PSME3IP1: variants seen among roughly 807,000 people sequenced by gnomAD.
PSME3IP1 encodes the protein PSME3-interacting protein.
Under a neutral mutation model 34.1 loss-of-function variants are expected in PSME3IP1, and 13 were observed. That is an observed-to-expected ratio of 0.38 (90% confidence interval 0.25 to 0.61). The LOEUF (loss-of-function observed/expected upper bound fraction) is 0.61, where lower values mean the gene tolerates loss of function less well. Ranked by LOEUF, PSME3IP1 falls within the 20% of genes least tolerant of loss-of-function variation. PSME3IP1 has a pLI of 0.60. For synonymous variants in PSME3IP1, 93 were observed against 114.3 expected, an observed-to-expected ratio of 0.81 and a Z score of 1.19; for missense variants, 237 against 301.4, an observed-to-expected ratio of 0.79 and a Z score of 1.58.
intron 6 of PSME3IP1, among the ~76,000 whole-genome samples, chr16:57,157,330 A>AAAAG (rs1555484038): frequency 1.3e-5 from 2 of 149,090 alleles, no homozygotes; most frequent in East Asian, 2.1e-4. Flanking sequence ...AAAAAAAAAA[A>AAAAG]AAGAAGAAGA....
At chr16:57,170,592 ATTAAT>A (rs1471244972) in intron 4 of PSME3IP1, among the ~76,000 whole-genome samples, 1 of 152,260 alleles carries the variant, frequency 6.6e-6, no homozygotes, top group Non-Finnish European at 1.5e-5. Context: ...TGAATCATTT[ATTAAT>A]TTATTCACAT....
chr16:57,177,536 A>G (rs1406975890), intron 1 of PSME3IP1, among the ~76,000 whole-genome samples: 3 of 152,056 alleles, frequency 2.0e-5, no homozygotes, highest in African/African-American at 4.8e-5. Flanking sequence ...TCAGTTGGTT[A>G]ATGAAAATAA....
In PSME3IP1 at chr16:57,172,345, T is replaced by A. The variant is rs1371422399; in HGVS notation, c.254A>T (p.Asp85Val). Residue 85 changes from aspartate (D) to valine (V), a missense_variant, in exon 4 of 7, where the codon GAT (aspartate) becomes GTT (valine). Asp to Val is a radical substitution (Grantham distance 152). Transcript: ENST00000309137. Reference protein sequence around the residue: ...FKNMVRGLDEDETNFLDEVSR... With the variant: ...FKNMVRGLDEVETNFLDEVSR... ...AACCTCATCAAGGAAGTTGGTCTCA[T>A]CTTCATCTAAGCCTCTTACCATGTT... is the stretch of plus-strand genomic sequence containing the variant. 6.2e-7 allele frequency: 1 copy of A among 1,613,972 alleles called. No homozygotes were observed. Among genetic ancestry groups the A allele is most frequent in the East Asian group, 2.2e-5 (1 of 44,860 alleles).
Position 57,172,892 on chromosome 16 carries a change from G to A in PSME3IP1, c.128-18C>T. On this transcript the variant is annotated intron_variant, in intron 2 of 6. Transcript: ENST00000309137. ...TGGACATTCTGAAAGGAAAAGGAGA[G>A]GGGAGAGAGGTGGACGGGGAGGAGA... 6.8e-7 allele frequency: 1 copy of A among 1,478,604 alleles called. No individual in the cohort carries two copies. Among genetic ancestry groups the A allele is most frequent in the Non-Finnish European group, 9.5e-7 (1 of 1,056,494 alleles). The allele number at this position is 1,478,604 out of a possible 1,614,324, so 91.6% of individuals were successfully genotyped here. A position where few individuals can be genotyped will look rare whatever the true frequency, so the allele number is the denominator to read the frequency against.
intron 1 of PSME3IP1, among the ~76,000 whole-genome samples, chr16:57,185,312 GTTTCTTAAGT>G (rs1177420827): frequency 6.6e-6 from 1 of 152,160 alleles, no homozygotes; most frequent in Non-Finnish European, 1.5e-5. Context: ...AACTCTCTTT[GTTTCTTAAGT>G]TTTCTGCAAA....
intron 4 of PSME3IP1, among the ~76,000 whole-genome samples, chr16:57,169,704 G>C (rs1185533532): frequency 6.6e-6 from 1 of 152,006 alleles, no homozygotes; most frequent in East Asian, 1.9e-4. Flanking sequence ...GCTACTTTGG[G>C]GGACACTATA....
intron 1 of PSME3IP1, among the ~76,000 whole-genome samples, chr16:57,185,146 G>A (rs1331748085): frequency 6.6e-6 from 1 of 152,188 alleles, no homozygotes; most frequent in African/African-American, 2.4e-5. Flanking sequence ...CTACCCGAGC[G>A]TGCGGGAGTC....
rs969880496 is a variant in PSME3IP1, at chr16:57,173,753, T to C, written c.102A>G (p.Lys34=). 1 of 1,614,112 alleles carries C rather than the reference T, an allele frequency of 6.2e-7. No homozygotes were observed. Among genetic ancestry groups the C allele is most frequent in the African/African-American group, 1.3e-5 (1 of 75,034 alleles). The stretch of plus-strand genomic sequence containing the variant: ...CTTCTGGATCTTCAGGTTTTCGAAC[T>C]TTCTCCCATTCTTCTTGCCTCCTTT... ...RRKRRQEEWE[K]VRKPEDPEEC... is the part of the protein sequence containing the mutation. The change falls in exon 2 of 7, where the codon AAA becomes AAG. Residue 34 remains lysine (K), a synonymous_variant. Transcript: ENST00000309137.
At chr16:57,177,816 C>T (rs2145909846) in intron 1 of PSME3IP1, among the ~76,000 whole-genome samples, 1 of 151,952 alleles carries the variant, frequency 6.6e-6, no homozygotes, top group South Asian at 2.1e-4. Context: ...AGTGAGACCC[C>T]CCATCTCTAC....
At chr16:57,172,472 TA>T (rs1351989483) in intron 3 of PSME3IP1, 100 bp from the exon 4 acceptor site, 20,308 of 1,079,628 alleles carry the variant, frequency 0.019, no homozygotes, top group South Asian at 0.023. Flanking sequence ...TTCAGGGGAT[TA>T]AAAAAAAAAG....
intron 5 of PSME3IP1, among the ~76,000 whole-genome samples, chr16:57,165,611 A>T (rs1371058479): frequency 6.6e-6 from 1 of 152,190 alleles, no homozygotes; most frequent in Non-Finnish European, 1.5e-5. Context: ...TACGACTCCC[A>T]GACTTCACTT....
At chr16:57,174,060 C>T (rs1004684828) in intron 1 of PSME3IP1, 191 bp from the exon 2 acceptor site, 76 of 527,528 alleles carry the variant, frequency 1.4e-4, no homozygotes, top group Non-Finnish European at 4.6e-5. Context: ...CTTTGGGAGG[C>T]CGAGGCGCAT....
intron 5 of PSME3IP1, among the ~76,000 whole-genome samples, chr16:57,166,004 T>C (rs1456464321): frequency 6.6e-6 from 1 of 152,170 alleles, no homozygotes; most frequent in Non-Finnish European, 1.5e-5. Flanking sequence ...GGAAAGCTTA[T>C]GTGAGAACTT....
chr16:57,179,823 C>G (rs564008760), intron 1 of PSME3IP1, among the ~76,000 whole-genome samples: 2 of 152,260 alleles, frequency 1.3e-5, no homozygotes, highest in Non-Finnish European at 2.9e-5. Flanking sequence ...TATTGCTTTC[C>G]AACATTTTTT....
At chr16:57,156,579 GA>G (rs1468945047) in intron 6 of PSME3IP1, among the ~76,000 whole-genome samples, 2 of 152,116 alleles carry the variant, frequency 1.3e-5, no homozygotes, top group Non-Finnish European at 2.9e-5. Flanking sequence ...CGGAGATGGA[GA>G]AAAGTCAAAT....
intron 1 of PSME3IP1, chr16:57,178,833 G>A (rs2073432255): frequency 1.0e-6 from 1 of 984,980 alleles, no homozygotes; most frequent in Non-Finnish European, 1.2e-6. Flanking sequence ...TTTGTTTGAA[G>A]AGTCCAATGG....
chr16:57,171,234 A>C (rs2072548499), intron 4 of PSME3IP1, among the ~76,000 whole-genome samples: 1 of 152,204 alleles, frequency 6.6e-6, no homozygotes, highest in Non-Finnish European at 1.5e-5. Context: ...TGAGGCCCTG[A>C]GATTGACTCA....
chr16:57,170,562 G>T (rs1268288542), intron 4 of PSME3IP1, among the ~76,000 whole-genome samples: 4 of 152,122 alleles, frequency 2.6e-5, no homozygotes, highest in African/African-American at 9.7e-5. Context: ...GAAGATAAAT[G>T]GTCCTATTAA....
chr16:57,181,885 A>C (rs1308737497), intron 1 of PSME3IP1: 2 of 152,294 alleles, frequency 1.3e-5, no homozygotes, highest in African/African-American at 2.4e-5. Context: ...ACCATCATCC[A>C]GGAACCTCTC....
Sources: allele counts gnomAD v4.1 joint callset (sites outside exome capture counted in the v4.1 genomes callset), GRCh38; gene constraint gnomAD v4.1.1; transcripts MANE v1.5; gene names NCBI Gene and HGNC (gene_info 2026-07-23, HGNC 2026-07-21).